Variants in POMZP3 observed in about 807,000 individuals in gnomAD.
POMZP3 encodes the protein POM121 and ZP3 fusion protein.
POMZP3 carries 10 observed loss-of-function variants against 19.8 expected under a neutral mutation model. The ratio of observed to expected loss-of-function variants is 0.51; its 90% CI spans 0.31 to 0.86. The LOEUF is 0.86. POMZP3 is among the 40% of genes least tolerant of loss of function. POMZP3 has a pLI of 0.04. For synonymous variants in POMZP3, 57 were observed against 85.8 expected (o/e 0.66, Z 1.85); for missense variants, 152 against 228.1 (o/e 0.67, Z 2.15).
intron 4 of POMZP3, among the ~76,000 whole-genome samples, chr7:76,616,238 G>T (rs186085204): frequency 7.6e-6 from 1 of 130,812 alleles, no homozygotes; most frequent in African/African-American, 3.0e-5. Flanking sequence ...AGCCAAGACC[G>T]CACCATTGCA....
chr7:76,623,185 GTT>G (rs71521144), intron 3 of POMZP3, among the ~76,000 whole-genome samples: 16 of 147,408 alleles, frequency 1.1e-4, no homozygotes, highest in African/African-American at 3.5e-4. Context: ...ATTGATTGTG[GTT>G]TTTTTTTTTT....
rs1815166943 is a variant in POMZP3 at position 76,612,926 on chromosome 7, T to C, written c.346-1113A>G. 2.4e-5 allele frequency among the ~76,000 whole-genome samples: 2 copies of C among 83,136 alleles called. 1 individual carries two copies. Among genetic ancestry groups the C allele is most frequent in the Non-Finnish European group, 4.7e-5 (2 of 42,310 alleles). 54.5% of individuals were successfully genotyped at this position (83,136 alleles called of 152,430 possible). On this transcript the variant is annotated intron_variant, in intron 4 of 6. Coordinates refer to ENST00000310842, the MANE Select transcript of POMZP3 (RefSeq NM_012230.5). ...GACTTAAGAGGTTTTTTTTTTGTTTTTTTTTTTTGAGGTGGAGTCTTGCTG... is the reference window on the plus strand; with the variant it reads ...GACTTAAGAGGTTTTTTTTTTGTTTCTTTTTTTTGAGGTGGAGTCTTGCTG...
chr7:76,619,225 T>C (rs1450276987), intron 3 of POMZP3, among the ~76,000 whole-genome samples: 2 of 152,016 alleles, frequency 1.3e-5, no homozygotes, highest in Non-Finnish European at 2.9e-5. Flanking sequence ...CCGTCTCCAC[T>C]AAAAATACAA....
chr7:76,620,418 A>T (rs1815489888), intron 3 of POMZP3, among the ~76,000 whole-genome samples: 1 of 143,972 alleles, frequency 6.9e-6, no homozygotes, highest in African/African-American at 2.7e-5. Context: ...AACGGTGAGC[A>T]CACGTACCTT....
Position 76,626,676 on chromosome 7 carries a change from A to G in POMZP3, c.-152+32T>C, listed in dbSNP as rs868456281. The stretch of plus-strand genomic sequence containing the variant: ...CCTCGATTTCAAGCCAGCCGAGCCA[A>G]AGGATGATCTGGGAAAATCAGCGCA... On this transcript the variant is annotated intron_variant, in intron 1 of 6. Coordinates refer to ENST00000310842, the MANE Select transcript of POMZP3 (RefSeq NM_012230.5). 1.0e-3 allele frequency: 1,393 copies of G among 1,369,896 alleles called. 12 individuals carry two copies. Among genetic ancestry groups the G allele is most frequent in the South Asian group, 1.5e-3 (88 of 59,428 alleles). The allele number at this position is 1,369,896 out of a possible 1,614,324, so 84.9% of individuals were successfully genotyped here. A position where few individuals can be genotyped will look rare whatever the true frequency, so the allele number is the denominator to read the frequency against.
At chr7:76,624,643 A>C (rs901621528) in intron 3 of POMZP3, among the ~76,000 whole-genome samples, 12 of 145,516 alleles carry the variant, frequency 8.2e-5, no homozygotes, top group Admixed American at 4.9e-4. Flanking sequence ...ACGGGGTTTC[A>C]CCATGTTGGC....
At chr7:76,618,618 GA>G in intron 3 of POMZP3, 1 of 298,954 alleles carries the variant, frequency 3.3e-6, no homozygotes, top group Non-Finnish European at 6.4e-6. Context: ...GACTCGGTCT[GA>G]AAAAAAGAAA....
Position 76,620,329 on chromosome 7 carries a change from T to TA in POMZP3, c.228-2030dup, listed in dbSNP as rs768106589. Among the ~76,000 whole-genome samples, 253 of 28,466 alleles carry TA rather than the reference T, an allele frequency of 8.9e-3. 48 individuals carry two copies. In the South Asian group the frequency reaches 0.11, roughly 13 times the overall value. The allele number at this position is 28,466 out of a possible 152,430, so 18.7% of individuals were successfully genotyped here. On this transcript the variant is annotated intron_variant, in intron 3 of 6. Transcript: ENST00000310842. ...GGCAACAGAGTGAGACTGTCTCAAA[T>TA]AAAAAAAAAAAAAAAAAAGGACAAC...
At chr7:76,611,969 C>T (rs372984428) in intron 4 of POMZP3, among the ~76,000 whole-genome samples, 156 bp from the exon 5 acceptor site, 12 of 151,452 alleles carry the variant, frequency 7.9e-5, no homozygotes, top group Middle Eastern at 3.4e-3. Flanking sequence ...GAGGCCAAGG[C>T]GGGTATATCA....
rs1193493149 is a variant in POMZP3 at position 76,613,507 on chromosome 7, CTT to C, written c.346-1696_346-1695del. Among the ~76,000 whole-genome samples, 23 of 67,404 alleles carry C rather than the reference CTT, an allele frequency of 3.4e-4. 5 individuals carry two copies. The highest frequency in any genetic ancestry group is 1.4e-3 in the African/African-American group (20 of 13,952). The allele number at this position is 67,404 out of a possible 152,430, so 44.2% of individuals were successfully genotyped here. On this transcript the variant is annotated intron_variant, in intron 4 of 6. Coordinates refer to ENST00000310842, the MANE Select transcript of POMZP3 (RefSeq NM_012230.5). The stretch of plus-strand genomic sequence containing the variant: ...ACCCTGTAAGCACTGCCCCCCTACC[CTT>C]TTTTTTTTTTTTTTTTCTGAGACGG...
rs895585582 is a variant in POMZP3, at chr7:76,613,394, C to A, written c.346-1581G>T. 7.0e-5 allele frequency among the ~76,000 whole-genome samples: 9 copies of A among 128,138 alleles called. 1 individual carries two copies. In the Admixed American group the frequency reaches 7.4e-4, roughly 10 times the overall value. The allele number at this position is 128,138 out of a possible 152,430, so 84.1% of individuals were successfully genotyped here. A position where few individuals can be genotyped will look rare whatever the true frequency, so the allele number is the denominator to read the frequency against. On this transcript the variant is annotated intron_variant, in intron 4 of 6. Coordinates refer to ENST00000310842, the MANE Select transcript of POMZP3 (RefSeq NM_012230.5). ...CTGGCCTCTGGGAAACGTTTACCCA[C>A]CCTCGTTAGACAAGTACGAGGGAAT...
intron 3 of POMZP3, among the ~76,000 whole-genome samples, chr7:76,618,855 A>G (rs3960516): frequency 6.6e-6 from 1 of 151,594 alleles, no homozygotes; most frequent in African/African-American, 2.4e-5. Context: ...TGGCGTGATC[A>G]TAGCTCACTG....
chr7:76,612,051 A>C (rs1048564527), intron 4 of POMZP3, among the ~76,000 whole-genome samples: 22 of 147,076 alleles, frequency 1.5e-4, no homozygotes, highest in African/African-American at 5.6e-4. Context: ...ATACAAAGTT[A>C]GCTGGGCGTG....
chr7:76,613,370 T>C (rs1255204677), intron 4 of POMZP3, among the ~76,000 whole-genome samples: 4 of 120,450 alleles, frequency 3.3e-5, no homozygotes, highest in African/African-American at 1.2e-4. Context: ...CTGACAGTCC[T>C]GGCCTCTGGG....
chr7:76,611,695 C>T, intron 5 of POMZP3, 27 bp downstream of exon 5: 1 of 1,484,224 alleles, frequency 6.7e-7, no homozygotes, highest in African/African-American at 1.6e-5. Context: ...TCAGTTTCTA[C>T]TCCAGTCACG....
intron 3 of POMZP3, among the ~76,000 whole-genome samples, chr7:76,620,711 G>C (rs1815505977): frequency 6.6e-6 from 1 of 151,888 alleles, no homozygotes; most frequent in African/African-American, 2.4e-5. Context: ...CAGGTGATCT[G>C]CCTGCCTCAG....
rs1425824512 is a variant in POMZP3 at position 76,617,152 on chromosome 7, T to C, written c.345+1031A>G. 3.3e-5 allele frequency among the ~76,000 whole-genome samples: 3 copies of C among 92,052 alleles called. 1 individual carries two copies. The highest frequency in any genetic ancestry group is 1.4e-4 in the African/African-American group (3 of 21,710). The allele number at this position is 92,052 out of a possible 152,430, so 60.4% of individuals were successfully genotyped here. A position where few individuals can be genotyped will look rare whatever the true frequency, so the allele number is the denominator to read the frequency against. ...CCCAGCTAATTTTTTGTATTTTTAG[T>C]AGAGGGGGTTTCACCGTGTTAACCA... On this transcript the variant is annotated intron_variant, in intron 4 of 6. Coordinates refer to ENST00000310842, the MANE Select transcript of POMZP3 (RefSeq NM_012230.5).
chr7:76,611,502 C>G lies in POMZP3; in HGVS notation c.527G>C (p.Arg176Pro), dbSNP rs1065538. The G allele has an allele frequency of 3.8e-6, 6 of 1,591,172 alleles. No homozygotes were observed. Among genetic ancestry groups the G allele is most frequent in the South Asian group, 1.1e-5 (1 of 90,444 alleles). Residue 176 changes from arginine (R) to proline (P), a missense_variant, in exon 6 of 7, where the codon CGT becomes CCT. Arg to Pro is a moderately radical substitution (Grantham distance 103, BLOSUM62 -2). This residue lies in a region of POMZP3 where 65 missense variants were observed against 86.2 expected (regional missense o/e 0.75). Transcript: ENST00000310842. ...GTPSHSRRQP[R>P]VVSQWSTSAS... ...AGACGTGGACCACTGGCTCACGACA[C>G]GAGGCTGCCTCCTGGAATGGCTTGG...
Position 76,627,155 on chromosome 7 carries a change from C to A in POMZP3, c.-599G>T, listed in dbSNP as rs1214795627. ...GGCACGAGGTACAGTAGGAGGCCGA[C>A]CAGCGACAGGCCGAGAAGCGCCGCC... On this transcript the variant is annotated 5_prime_UTR_variant, in exon 1 of 7. Transcript: ENST00000310842. 7 of 1,447,130 alleles carry A rather than the reference C, an allele frequency of 4.8e-6. 1 individual carries two copies. The highest frequency in any genetic ancestry group is 6.4e-6 in the Non-Finnish European group (7 of 1,091,834). 89.6% of individuals were successfully genotyped at this position (1,447,130 alleles called of 1,614,324 possible). A position where few individuals can be genotyped will look rare whatever the true frequency, so the allele number is the denominator to read the frequency against.
Sources: gnomAD v4.1 joint callset for allele counts (sites outside exome capture counted in the v4.1 genomes callset) on GRCh38, gnomAD v4.1.1 for gene constraint, gnomAD v4.1.1 regional missense constraint, MANE v1.5 for transcripts, NCBI Gene and HGNC (gene_info 2026-07-23, HGNC 2026-07-21) for gene names.